The following PPARGC1A variants were observed in gnomAD, a reference collection of about 807,000 sequenced individuals.
PPARGC1A encodes the protein PPARG coactivator 1 alpha, also known as peroxisome proliferator-activated receptor gamma coactivator 1-alpha.
A neutral mutation model predicts 88.7 loss-of-function variants in PPARGC1A; 25 were observed. The observed-to-expected ratio is 0.28, with a 90% CI of 0.21 to 0.39. PPARGC1A has a LOEUF of 0.39. Among genes scored for constraint, PPARGC1A ranks in the 10% least tolerant of loss-of-function variants. The pLI, the probability that PPARGC1A is intolerant of heterozygous loss-of-function variation, is 1.00. For synonymous variants in PPARGC1A, 363 were observed against 355.6 expected, an observed-to-expected ratio of 1.02 and a Z score of -0.24; for missense variants, 880 against 968.7, an observed-to-expected ratio of 0.91 and a Z score of 1.22.
the PPARGC1A span, among the ~76,000 whole-genome samples, chr4:24,003,880 T>C: frequency 4.0e-5 from 6 of 151,680 alleles, no homozygotes; most frequent in African/African-American, 7.3e-5. Context: ...GTTTGTACGA[T>C]TGAGATAACA....
chr4:24,048,338 C>A, the PPARGC1A span, among the ~76,000 whole-genome samples: 1 of 152,182 alleles, frequency 6.6e-6, no homozygotes, highest in Admixed American at 6.5e-5. Context: ...CCTCTCCTGA[C>A]AACAGTTGAC....
chr4:24,181,993 T>A, the PPARGC1A span, among the ~76,000 whole-genome samples: 1 of 152,138 alleles, frequency 6.6e-6, no homozygotes, highest in Non-Finnish European at 1.5e-5. Flanking sequence ...TCACTTTTTT[T>A]TAATTTTACT....
chr4:24,261,743 T>C, the PPARGC1A span, among the ~76,000 whole-genome samples: 1 of 152,160 alleles, frequency 6.6e-6, no homozygotes, highest in Non-Finnish European at 1.5e-5. Context: ...TTTCTCCTAT[T>C]TGCCTATTTC....
chr4:23,891,647 G>C (rs1016952939), upstream of PPARGC1A, among the ~76,000 whole-genome samples: 2 of 152,140 alleles, frequency 1.3e-5, no homozygotes, highest in Non-Finnish European at 2.9e-5. Context: ...ATAATGTAAG[G>C]AAGTTGACAG....
chr4:24,266,978 C>G, the PPARGC1A span, among the ~76,000 whole-genome samples: 5 of 152,218 alleles, frequency 3.3e-5, no homozygotes, highest in Middle Eastern at 0.01. Context: ...CCTTGTTCAA[C>G]CAGAAGACCC....
chr4:23,905,208 G>A (rs546466804), upstream of PPARGC1A, among the ~76,000 whole-genome samples: 2 of 152,290 alleles, frequency 1.3e-5, no homozygotes, highest in South Asian at 2.1e-4. Flanking sequence ...GGCAAACATA[G>A]GGATATGATC....
chr4:23,989,460 G>A, the PPARGC1A span, among the ~76,000 whole-genome samples: 1 of 151,962 alleles, frequency 6.6e-6, no homozygotes, highest in African/African-American at 2.4e-5. Context: ...GACAGGCACA[G>A]CAATCCTGCA....
At chr4:23,923,304 G>A in the PPARGC1A span, among the ~76,000 whole-genome samples, 8 of 152,152 alleles carry the variant, frequency 5.3e-5, no homozygotes, top group South Asian at 4.2e-4. Context: ...TAACAGAAAC[G>A]TGGTTGTATG....
chr4:24,274,329 A>G, the PPARGC1A span, among the ~76,000 whole-genome samples: 1 of 152,060 alleles, frequency 6.6e-6, no homozygotes, highest in African/African-American at 2.4e-5. Flanking sequence ...GCTTTCTGAT[A>G]TGGCCAGAAC....
chr4:24,116,257 G>T, the PPARGC1A span, among the ~76,000 whole-genome samples: 1 of 152,126 alleles, frequency 6.6e-6, no homozygotes, highest in Non-Finnish European at 1.5e-5. Context: ...TTTATTGAGT[G>T]CCCTGTCTGG....
chr4:24,372,837 A>C, the PPARGC1A span, among the ~76,000 whole-genome samples: 1 of 152,326 alleles, frequency 6.6e-6, no homozygotes, highest in African/African-American at 2.4e-5. Flanking sequence ...ACAAAGTACA[A>C]ATGCTGAATA....
At chr4:24,107,239 T>A in the PPARGC1A span, among the ~76,000 whole-genome samples, 1 of 152,260 alleles carries the variant, frequency 6.6e-6, no homozygotes, top group Non-Finnish European at 1.5e-5. Context: ...TTGTGTAACT[T>A]TTTAAAGTTT....
chr4:24,034,682 C>A, the PPARGC1A span, among the ~76,000 whole-genome samples: 3 of 152,094 alleles, frequency 2.0e-5, no homozygotes, highest in Admixed American at 1.3e-4. Context: ...TAATAACATA[C>A]TAGTGTGTCT....
chr4:24,072,503 A>G, the PPARGC1A span, among the ~76,000 whole-genome samples: 1 of 152,078 alleles, frequency 6.6e-6, no homozygotes, highest in African/African-American at 2.4e-5. Context: ...TTCTCAGTTC[A>G]TGAGCAAGCT....
At chr4:23,843,810 C>A (rs115252102) in intron 2 of PPARGC1A, among the ~76,000 whole-genome samples, 14 of 152,082 alleles carry the variant, frequency 9.2e-5, no homozygotes, top group African/African-American at 3.4e-4. Context: ...TGACTGCTTG[C>A]CAGTTATTAC....
At chr4:24,288,290 T>C in the PPARGC1A span, among the ~76,000 whole-genome samples, 2 of 152,198 alleles carry the variant, frequency 1.3e-5, no homozygotes, top group East Asian at 3.8e-4. Context: ...GCTGGGTTTC[T>C]CAACCTTCCA....
chr4:24,277,554 C>T, the PPARGC1A span, among the ~76,000 whole-genome samples: 1 of 151,794 alleles, frequency 6.6e-6, no homozygotes, highest in African/African-American at 2.4e-5. Flanking sequence ...GCAACAGAAA[C>T]CCAGCTCAGC....
chr4:24,071,072 A>C, the PPARGC1A span, among the ~76,000 whole-genome samples: 2 of 152,196 alleles, frequency 1.3e-5, no homozygotes, highest in African/African-American at 4.8e-5. Flanking sequence ...TACCTGATCA[A>C]ACGCTTTCTG....
chr4:24,195,527 G>T, the PPARGC1A span, among the ~76,000 whole-genome samples: 1 of 152,110 alleles, frequency 6.6e-6, no homozygotes, highest in Non-Finnish European at 1.5e-5. Context: ...ACTTGTTTAA[G>T]AATTTGGGAA....
Sources: gnomAD v4.1 joint callset for allele counts (sites outside exome capture counted in the v4.1 genomes callset) on GRCh38, gnomAD v4.1.1 for gene constraint, MANE v1.5 for transcripts, NCBI Gene and HGNC (gene_info 2026-07-23, HGNC 2026-07-21) for gene names.